Variants in DNAJC2 observed in about 807,000 individuals in gnomAD.
The protein encoded by DNAJC2 is DnaJ heat shock protein family (Hsp40) member C2.
In DNAJC2, 32 loss-of-function variants were observed where a neutral mutation model predicts 94.0. That is an observed-to-expected ratio of 0.34 (90% CI 0.26 to 0.46). DNAJC2 has a LOEUF of 0.46. Among genes scored for constraint, DNAJC2 ranks in the 20% least tolerant of loss-of-function variants. The pLI is 1.00. For missense variants in DNAJC2, 550 were observed against 719.5 expected (o/e 0.76, Z 2.69); for synonymous variants, 210 against 229.7 (o/e 0.91, Z 0.77).
In DNAJC2 at chr7:103,322,747, G is replaced by A; in HGVS notation, c.767C>T (p.Ala256Val). Residue 256 changes from alanine (A) to valine (V), a missense_variant, in exon 8 of 17, where the codon GCA becomes GTA. Around this residue, in one of 2 missense-constraint regions of DNAJC2, gnomAD observed 279 missense variants for 416.9 expected, o/e 0.67. Transcript: ENST00000379263. ...GTTCATTTCTTCTTTTTTTCTTTGT[G>A]CTCTTGTTGCTCTGTTCTGCTTTTC... ...WIEKQNRATR[A>V]QRKKEEMNRI... The A allele has an allele frequency of 6.2e-7, 1 of 1,608,814 alleles. No homozygotes were observed. Among genetic ancestry groups the A allele is most frequent in the Non-Finnish European group, 8.5e-7 (1 of 1,179,586 alleles).
chr7:103,327,837 T>C (rs1818787970), intron 3 of DNAJC2, 83 bp from the exon 4 acceptor site: 1 of 779,586 alleles, frequency 1.3e-6, no homozygotes, highest in Non-Finnish European at 2.1e-6. Flanking sequence ...ATTTCTAAAA[T>C]CATAAGGCTA....
intron 3 of DNAJC2, among the ~76,000 whole-genome samples, chr7:103,332,097 C>T (rs1053243493): frequency 3.3e-5 from 5 of 151,444 alleles, no homozygotes; most frequent in Non-Finnish European, 7.4e-5. Flanking sequence ...CTCTGCCTCT[C>T]GGGTTCATGC....
Position 103,319,850 on chromosome 7 carries a change from A to T in DNAJC2, c.1084-6T>A. On this transcript the variant is annotated splice_region_variant and splice_polypyrimidine_tract_variant and intron_variant, in intron 10 of 16. Coordinates refer to ENST00000379263, the MANE Select transcript of DNAJC2 (RefSeq NM_014377.3). ...TCAGAAAAATGATTCCAGGTCTAAA[A>T]GCACAAACACAAAAATAGTATCTAC... is the stretch of plus-strand genomic sequence containing the variant. 6.2e-7 allele frequency: 1 copy of T among 1,614,016 alleles called. No individual in the cohort carries two copies. Among genetic ancestry groups the T allele is most frequent in the Non-Finnish European group, 8.5e-7 (1 of 1,179,956 alleles).
rs1189683089 is a variant in DNAJC2, at chr7:103,325,448, G to A, written c.573-886C>T. On this transcript the variant is annotated intron_variant, in intron 5 of 16. Transcript: ENST00000379263. ...CAAGATACTGTCTCAAAATAAAAAA[G>A]GAAAAAAAAAAAACCAAAAAACAGG... Among the ~76,000 whole-genome samples, 9 of 91,616 alleles carry A rather than the reference G, an allele frequency of 9.8e-5. 1 individual carries two copies. The South Asian group carries it at 2.4e-3, about 24-fold the overall frequency. The allele number at this position is 91,616 out of a possible 152,430, so 60.1% of individuals were successfully genotyped here. A position where few individuals can be genotyped will look rare whatever the true frequency, so the allele number is the denominator to read the frequency against.
At chr7:103,322,947 GAGAC>G (rs1818500510) in intron 7 of DNAJC2, among the ~76,000 whole-genome samples, 153 bp from the exon 8 acceptor site, 1 of 143,010 alleles carries the variant, frequency 7.0e-6, no homozygotes, top group Non-Finnish European at 1.5e-5. Flanking sequence ...TTTTTTTTTT[GAGAC>G]AGACTTTTGC....
chr7:103,327,387 A>C (rs1274710579), intron 4 of DNAJC2: 11 of 1,182,400 alleles, frequency 9.3e-6, no homozygotes, highest in African/African-American at 4.6e-5. Flanking sequence ...TCCTGTTAAA[A>C]TGCAGATTTT....
At position 103,344,591 on chromosome 7, in the gene DNAJC2, C is replaced by G. The variant is rs1252654735; in HGVS notation, c.32G>C (p.Arg11Pro). MLLLPSAADG[R>P]GTAITHALTS... The stretch of plus-strand genomic sequence containing the variant: ...CAGAGCGTGGGTGATGGCGGTGCCC[C>G]GGCCGTCCGCGGCGCTTGGCAGAAG... The change falls in exon 1 of 17, where the codon CGG becomes CCG. Residue 11 changes from arginine (R) to proline (P), a missense_variant. Coordinates refer to ENST00000379263, the MANE Select transcript of DNAJC2 (RefSeq NM_014377.3). 6.2e-7 allele frequency: 1 copy of G among 1,612,828 alleles called. No individual in the cohort carries two copies. Among genetic ancestry groups the G allele is most frequent in the South Asian group, 1.1e-5 (1 of 91,072 alleles).
chr7:103,325,968 A>G (rs1203761772), intron 5 of DNAJC2, among the ~76,000 whole-genome samples: 2 of 152,162 alleles, frequency 1.3e-5, no homozygotes, highest in Admixed American at 6.6e-5. Flanking sequence ...ACACTATAAA[A>G]GTCAGATACT....
intron 2 of DNAJC2, among the ~76,000 whole-genome samples, chr7:103,341,418 A>G (rs561210808): frequency 2.6e-5 from 4 of 152,190 alleles, no homozygotes; most frequent in Non-Finnish European, 5.9e-5. Context: ...CGACTTATCA[A>G]TTCCTCAAGA....
At chr7:103,341,454 TG>T (rs1156282106) in intron 2 of DNAJC2, among the ~76,000 whole-genome samples, 3 of 152,232 alleles carry the variant, frequency 2.0e-5, no homozygotes, top group Admixed American at 6.5e-5. Context: ...TTTACTCCTT[TG>T]TGTCTTTGTA....
chr7:103,322,833 T>C (rs771376034), intron 7 of DNAJC2, 39 bp from the exon 8 acceptor site: 3 of 1,473,090 alleles, frequency 2.0e-6, no homozygotes, highest in East Asian at 2.3e-5. Flanking sequence ...CTACTGCTTA[T>C]AGATGCTATG....
chr7:103,339,154 A>T (rs1417906075), intron 2 of DNAJC2, among the ~76,000 whole-genome samples: 2 of 152,230 alleles, frequency 1.3e-5, no homozygotes, highest in African/African-American at 4.8e-5. Context: ...ACTTATGGCT[A>T]CATGTTCTTG....
chr7:103,319,548 A>G (rs755491441), intron 12 of DNAJC2, 61 bp downstream of exon 12: 5 of 1,502,310 alleles, frequency 3.3e-6, no homozygotes, highest in Non-Finnish European at 4.6e-6. Context: ...TTAGGTGAAG[A>G]AACAGGTCAA....
At chr7:103,317,724 T>C (rs1267268712) in intron 12 of DNAJC2, among the ~76,000 whole-genome samples, 1 of 152,126 alleles carries the variant, frequency 6.6e-6, no homozygotes, top group East Asian at 1.9e-4. Context: ...GATTTCTGCT[T>C]ACTGCAACCT....
intron 12 of DNAJC2, among the ~76,000 whole-genome samples, chr7:103,319,240 C>T (rs1022008855): frequency 6.6e-6 from 1 of 152,106 alleles, no homozygotes; most frequent in African/African-American, 2.4e-5. Flanking sequence ...AATTCAAGAC[C>T]AGCCTGACCA....
intron 5 of DNAJC2, among the ~76,000 whole-genome samples, chr7:103,325,832 T>C (rs1586089932): frequency 6.6e-6 from 1 of 152,354 alleles, no homozygotes; most frequent in East Asian, 1.9e-4. Flanking sequence ...AGAAGCCTTA[T>C]GATAATCAGA....
Position 103,340,216 on chromosome 7 carries a change from A to G in DNAJC2, c.255+1548T>C, listed in dbSNP as rs564373539. Among the ~76,000 whole-genome samples the G allele has an allele frequency of 9.8e-5, 15 of 152,326 alleles. No homozygotes were observed. The East Asian group carries it at 2.3e-3, about 23-fold the overall frequency. Reference sequence around the variant, plus strand: ...TTTAGGAAGTATTTCTTCAAATAACAAAGTGTCTTTTTCTTTGTTTTCTTT... The same window carrying G: ...TTTAGGAAGTATTTCTTCAAATAACGAAGTGTCTTTTTCTTTGTTTTCTTT... On this transcript the variant is annotated intron_variant, in intron 2 of 16. Coordinates refer to ENST00000379263, the MANE Select transcript of DNAJC2 (RefSeq NM_014377.3).
In DNAJC2 at chr7:103,327,377, T is replaced by C. The variant is rs1410307065; in HGVS notation, c.430+279A>G. Reference sequence around the variant, plus strand: ...GCTTCTGATAAGAATCACCTGGGGATCCTGTTAAAATGCAGATTTTAATCA... The same window carrying C: ...GCTTCTGATAAGAATCACCTGGGGACCCTGTTAAAATGCAGATTTTAATCA... On this transcript the variant is annotated intron_variant, in intron 4 of 16. Coordinates refer to ENST00000379263, the MANE Select transcript of DNAJC2 (RefSeq NM_014377.3). 4.8e-6 allele frequency: 6 copies of C among 1,241,694 alleles called. No individual in the cohort carries two copies. The South Asian group carries it at 7.6e-5, about 16-fold the overall frequency. The allele number at this position is 1,241,694 out of a possible 1,614,324, so 76.9% of individuals were successfully genotyped here. A position where few individuals can be genotyped will look rare whatever the true frequency, so the allele number is the denominator to read the frequency against.
At chr7:103,333,756 C>G (rs1383279216) in intron 3 of DNAJC2, among the ~76,000 whole-genome samples, 6 of 152,164 alleles carry the variant, frequency 3.9e-5, no homozygotes. Flanking sequence ...TACAGTATGC[C>G]TATGTCTGGC....
Sources: gnomAD v4.1 joint callset for allele counts (sites outside exome capture counted in the v4.1 genomes callset) on GRCh38, gnomAD v4.1.1 for gene constraint, gnomAD v4.1.1 regional missense constraint, MANE v1.5 for transcripts, NCBI Gene and HGNC (gene_info 2026-07-23, HGNC 2026-07-21) for gene names.